SLC24A2: variants seen among roughly 807,000 people sequenced by gnomAD.
The protein encoded by SLC24A2 is solute carrier family 24 member 2.
A neutral mutation model predicts 62.0 loss-of-function variants in SLC24A2; 36 were observed. That is an observed-to-expected ratio of 0.58 (90% CI 0.44 to 0.77). SLC24A2 has a LOEUF of 0.77. Among genes scored for constraint, SLC24A2 ranks in the 30% least tolerant of loss-of-function variants. SLC24A2 has a pLI of 0.00. For missense variants in SLC24A2, 846 were observed against 817.9 expected (o/e 1.03, Z -0.42); for synonymous variants, 358 against 294.0 (o/e 1.22, Z -2.23).
At chr9:20,233,900 G>A in the SLC24A2 span, among the ~76,000 whole-genome samples, 581 of 152,240 alleles carry the variant, frequency 3.8e-3, 6 homozygotes, top group African/African-American at 0.014. Flanking sequence ...CTTCCTTCAG[G>A]AGCTCTTTTA....
At chr9:20,037,197 C>G in the SLC24A2 span, among the ~76,000 whole-genome samples, 2 of 152,136 alleles carry the variant, frequency 1.3e-5, no homozygotes, top group African/African-American at 2.4e-5. Context: ...TGCACCTGGC[C>G]TATATTTTAA....
chr9:19,704,961 A>G (rs1003017669), intron 2 of SLC24A2, among the ~76,000 whole-genome samples: 8 of 152,142 alleles, frequency 5.3e-5, no homozygotes, highest in African/African-American at 1.9e-4. Flanking sequence ...TATTCCAGCA[A>G]TGTCACTTAG....
the SLC24A2 span, among the ~76,000 whole-genome samples, chr9:20,087,838 G>A: frequency 1.3e-5 from 2 of 151,828 alleles, no homozygotes; most frequent in Middle Eastern, 3.4e-3. Flanking sequence ...CACAGAGAAT[G>A]GAGAAAAGCA....
At chr9:19,590,779 C>T (rs987759392) in intron 5 of SLC24A2, among the ~76,000 whole-genome samples, 1 of 152,198 alleles carries the variant, frequency 6.6e-6, no homozygotes, top group African/African-American at 2.4e-5. Flanking sequence ...CTAGCAATAA[C>T]TGCACCACTT....
chr9:20,116,835 G>C, the SLC24A2 span, among the ~76,000 whole-genome samples: 1 of 152,226 alleles, frequency 6.6e-6, no homozygotes, highest in Non-Finnish European at 1.5e-5. Flanking sequence ...GAAAGTTGAA[G>C]ATAATAGGTA....
At chr9:19,862,323 C>G in the SLC24A2 span, among the ~76,000 whole-genome samples, 2 of 152,024 alleles carry the variant, frequency 1.3e-5, no homozygotes, top group Non-Finnish European at 2.9e-5. Flanking sequence ...AGAACTTTTA[C>G]CCTAGAATAG....
chr9:20,163,061 A>G, the SLC24A2 span, among the ~76,000 whole-genome samples: 3,304 of 152,258 alleles, frequency 0.022, 117 homozygotes, highest in African/African-American at 0.075. Flanking sequence ...TTCCCTTTGA[A>G]AACTGGCAGA....
At chr9:20,259,121 G>A in the SLC24A2 span, among the ~76,000 whole-genome samples, 1 of 152,110 alleles carries the variant, frequency 6.6e-6, no homozygotes, top group Admixed American at 6.6e-5. Context: ...ATAAGCCAAG[G>A]AATGTGAATT....
chr9:20,158,880 T>C, the SLC24A2 span, among the ~76,000 whole-genome samples: 2 of 151,668 alleles, frequency 1.3e-5, no homozygotes, highest in South Asian at 2.1e-4. Flanking sequence ...ACCCATTATA[T>C]ATCTGGGAAA....
chr9:20,235,680 G>A, the SLC24A2 span, among the ~76,000 whole-genome samples: 4 of 152,268 alleles, frequency 2.6e-5, no homozygotes, highest in African/African-American at 4.8e-5. Context: ...TGTGCTTCCC[G>A]GGTGAGGCAA....
the SLC24A2 span, among the ~76,000 whole-genome samples, chr9:20,076,189 C>T: frequency 2.0e-5 from 3 of 151,956 alleles, no homozygotes; most frequent in African/African-American, 7.3e-5. Flanking sequence ...CATAAAAATT[C>T]AAGACTGAGC....
chr9:20,296,552 ATT>A, the SLC24A2 span, among the ~76,000 whole-genome samples: 1 of 152,242 alleles, frequency 6.6e-6, no homozygotes, highest in East Asian at 1.9e-4. Context: ...GATGTAAAGA[ATT>A]TATCTTTCAC....
intron 7 of SLC24A2, 107 bp from the exon 8 acceptor site, chr9:19,550,375 T>A: frequency 8.6e-7 from 1 of 1,161,244 alleles, no homozygotes; most frequent in Non-Finnish European, 1.3e-6. Flanking sequence ...TTATCAGTTT[T>A]CTGGACTCGT....
chr9:19,539,401 G>T (rs1459518206), intron 8 of SLC24A2, among the ~76,000 whole-genome samples: 2 of 151,440 alleles, frequency 1.3e-5, no homozygotes, highest in Admixed American at 6.6e-5. Context: ...TCTGGTATGT[G>T]GTGTCTTTGT....
chr9:19,793,764 CCTAA>C (rs1293757412), upstream of SLC24A2, among the ~76,000 whole-genome samples: 2 of 152,100 alleles, frequency 1.3e-5, no homozygotes, highest in Non-Finnish European at 2.9e-5. Context: ...ATAGTCCCTG[CCTAA>C]CTAAGAATTA....
intron 4 of SLC24A2, among the ~76,000 whole-genome samples, chr9:19,615,132 T>C (rs1409740540): frequency 6.6e-6 from 1 of 152,110 alleles, no homozygotes; most frequent in Non-Finnish European, 1.5e-5. Flanking sequence ...ATTCACTGGA[T>C]TTTGGAAGAC....
At chr9:19,952,129 T>C in the SLC24A2 span, among the ~76,000 whole-genome samples, 15 of 152,200 alleles carry the variant, frequency 9.9e-5, no homozygotes, top group Middle Eastern at 3.4e-3. Flanking sequence ...AAATTATTTA[T>C]TGATGGTATA....
the SLC24A2 span, among the ~76,000 whole-genome samples, chr9:19,931,816 A>G: frequency 2.0e-5 from 3 of 152,222 alleles, no homozygotes; most frequent in African/African-American, 7.2e-5. Context: ...CTCACCTTAT[A>G]TACAATTTAT....
At chr9:20,076,630 G>A in the SLC24A2 span, among the ~76,000 whole-genome samples, 1 of 152,126 alleles carries the variant, frequency 6.6e-6, no homozygotes, top group African/African-American at 2.4e-5. Flanking sequence ...TAAACCAACT[G>A]CTTTGTGACA....
Sources: allele counts gnomAD v4.1 joint callset (sites outside exome capture counted in the v4.1 genomes callset), GRCh38; gene constraint gnomAD v4.1.1; transcripts MANE v1.5; gene names NCBI Gene and HGNC (gene_info 2026-07-23, HGNC 2026-07-21).